Variants in WDFY3 observed in about 807,000 individuals in gnomAD.
WDFY3 encodes WD repeat and FYVE domain-containing protein 3.
Under a neutral mutation model 409.6 loss-of-function variants are expected in WDFY3, and 66 were observed. The ratio of observed to expected loss-of-function variants is 0.16; its 90% CI spans 0.13 to 0.20. The LOEUF is 0.20. Ranked by LOEUF, WDFY3 falls within the 10% of genes least tolerant of loss-of-function variation. The pLI, the probability that WDFY3 is intolerant of heterozygous loss-of-function variation, is 1.00. For missense variants in WDFY3, 3,031 were observed against 4,298.1 expected (o/e 0.71, Z 8.24); for synonymous variants, 1,521 against 1,537.1 (o/e 0.99, Z 0.25).
chr4:84,686,264 C>T (rs1016526908), intron 62 of WDFY3, among the ~76,000 whole-genome samples: 9 of 152,164 alleles, frequency 5.9e-5, no homozygotes, highest in Admixed American at 3.9e-4. Context: ...CGACATAGCA[C>T]CACTGCAGTC....
At chr4:84,919,963 G>C (rs980149278) in intron 2 of WDFY3, among the ~76,000 whole-genome samples, 6 of 152,062 alleles carry the variant, frequency 3.9e-5, no homozygotes, top group Non-Finnish European at 5.9e-5. Context: ...TGCTCAGAAA[G>C]ATATATTCCT....
intron 6 of WDFY3, among the ~76,000 whole-genome samples, chr4:84,840,901 T>G (rs1757255331): frequency 6.6e-6 from 1 of 152,032 alleles, no homozygotes; most frequent in Admixed American, 6.6e-5. Flanking sequence ...ATGTCCTATG[T>G]GTGTTACAAC....
At chr4:84,929,361 C>G (rs544173062) in intron 2 of WDFY3, among the ~76,000 whole-genome samples, 1 of 152,100 alleles carries the variant, frequency 6.6e-6, no homozygotes, top group East Asian at 1.9e-4. Flanking sequence ...CCAGAGGACT[C>G]AGTTAAGCTG....
chr4:84,680,854 A>G (rs534178707), intron 64 of WDFY3, among the ~76,000 whole-genome samples: 28 of 152,352 alleles, frequency 1.8e-4, no homozygotes, highest in African/African-American at 6.3e-4. Context: ...ACACCATTTT[A>G]TATCAGGGAC....
chr4:84,716,287 A>AAATT (rs1020943748), intron 49 of WDFY3, among the ~76,000 whole-genome samples: 4 of 150,986 alleles, frequency 2.6e-5, no homozygotes, highest in Non-Finnish European at 5.9e-5. Context: ...AAACAGAAAA[A>AAATT]AATTAGCTGG....
chr4:84,716,184 T>A (rs1733858423), intron 49 of WDFY3, among the ~76,000 whole-genome samples: 1 of 152,088 alleles, frequency 6.6e-6, no homozygotes, highest in African/African-American at 2.4e-5. Context: ...ACGCCTGTAA[T>A]CCCAGCACTT....
At chr4:84,818,354 A>C (rs1011870327) in intron 12 of WDFY3, among the ~76,000 whole-genome samples, 1 of 152,078 alleles carries the variant, frequency 6.6e-6, no homozygotes, top group African/African-American at 2.4e-5. Flanking sequence ...CCTCTAAGTA[A>C]TTCTTCTATC....
intron 1 of WDFY3, among the ~76,000 whole-genome samples, chr4:84,953,621 A>G (rs910633054): frequency 1.3e-5 from 2 of 152,240 alleles, no homozygotes; most frequent in South Asian, 4.1e-4. Flanking sequence ...ATGATGACCT[A>G]GTTGTAAAAT....
At chr4:84,834,820 G>A (rs749664380) in intron 7 of WDFY3, among the ~76,000 whole-genome samples, 5 of 152,150 alleles carry the variant, frequency 3.3e-5, no homozygotes, top group African/African-American at 4.8e-5. Context: ...CCAGGAAACC[G>A]TCTGTCACAT....
In WDFY3 at chr4:84,780,085, G is replaced by A. The variant is rs764534464; in HGVS notation, c.4365+23C>T. On this transcript the variant is annotated intron_variant, in intron 26 of 67. Coordinates refer to ENST00000295888, the MANE Select transcript of WDFY3 (RefSeq NM_014991.6). ...TATTTTAGGTGCCAGGTGAAGTGAA[G>A]GCAAAGTTTTACAGTTACAAACCTG... 12 of 1,536,384 alleles carry A rather than the reference G, an allele frequency of 7.8e-6. No individual in the cohort carries two copies. In the South Asian group the frequency reaches 1.6e-4, roughly 20 times the overall value.
intron 62 of WDFY3, among the ~76,000 whole-genome samples, chr4:84,685,676 G>A (rs191479790): frequency 2.0e-5 from 3 of 152,310 alleles, no homozygotes; most frequent in East Asian, 1.9e-4. Flanking sequence ...GGCCTGAAGT[G>A]TAAACTGAAG....
intron 13 of WDFY3, among the ~76,000 whole-genome samples, chr4:84,816,550 A>T (rs1222541136): frequency 6.6e-6 from 1 of 152,152 alleles, no homozygotes; most frequent in East Asian, 1.9e-4. Flanking sequence ...AGCAGTCAAT[A>T]AATGTTAGCT....
chr4:84,853,320 A>T (rs1759295591), intron 4 of WDFY3, among the ~76,000 whole-genome samples: 1 of 151,732 alleles, frequency 6.6e-6, no homozygotes, highest in South Asian at 2.1e-4. Context: ...ACAGGCACCC[A>T]CCACCACACC....
chr4:84,714,270 C>T (rs555943622), intron 50 of WDFY3, among the ~76,000 whole-genome samples: 51 of 152,054 alleles, frequency 3.4e-4, no homozygotes, highest in Admixed American at 5.2e-4. Context: ...CCACCATGCC[C>T]GGCTAATTAT....
intron 24 of WDFY3, among the ~76,000 whole-genome samples, chr4:84,784,570 G>A (rs1227690460): frequency 6.6e-6 from 1 of 151,906 alleles, no homozygotes; most frequent in African/African-American, 2.4e-5. Context: ...GGGTGGGATG[G>A]CTCACACCTG....
intron 1 of WDFY3, among the ~76,000 whole-genome samples, chr4:84,940,183 T>A (rs143061121): frequency 6.6e-6 from 1 of 152,238 alleles, no homozygotes; most frequent in East Asian, 1.9e-4. Flanking sequence ...AAGTGCTATG[T>A]CCATATCACT....
At chr4:84,778,806 T>A (rs1284673924) in intron 26 of WDFY3, 151 bp from the exon 27 acceptor site, 2 of 675,526 alleles carry the variant, frequency 3.0e-6, no homozygotes, top group East Asian at 6.9e-5. Flanking sequence ...TTTCTGAGAT[T>A]ATTAAGTTAA....
chr4:84,701,047 T>C (rs2148926461), intron 56 of WDFY3, among the ~76,000 whole-genome samples: 1 of 152,274 alleles, frequency 6.6e-6, no homozygotes, highest in South Asian at 2.1e-4. Flanking sequence ...AAGGCGGAGG[T>C]TGCGATGAAC....
chr4:84,733,036 C>T (rs1250606705), intron 44 of WDFY3, among the ~76,000 whole-genome samples: 3 of 152,146 alleles, frequency 2.0e-5, no homozygotes, highest in South Asian at 2.1e-4. Flanking sequence ...AACAGTCCTA[C>T]GAGGTGGAAC....
Sources: allele counts gnomAD v4.1 joint callset (sites outside exome capture counted in the v4.1 genomes callset), GRCh38; gene constraint gnomAD v4.1.1; transcripts MANE v1.5; gene names NCBI Gene and HGNC (gene_info 2026-07-23, HGNC 2026-07-21).